The following RPS6KC1 variants were observed in gnomAD, a reference collection of about 807,000 sequenced individuals.
RPS6KC1 encodes the protein inactive ribosomal protein S6 kinase delta-1.
A neutral mutation model predicts 103.8 loss-of-function variants in RPS6KC1; 54 were observed. The ratio of observed to expected loss-of-function variants is 0.52; its 90% CI spans 0.42 to 0.65. The LOEUF (loss-of-function observed/expected upper bound fraction) is 0.65, where lower values mean the gene tolerates loss of function less well. Among genes scored for constraint, RPS6KC1 ranks in the 30% least tolerant of loss-of-function variants. The pLI is 0.00. For synonymous variants in RPS6KC1, 439 were observed against 438.7 expected, an observed-to-expected ratio of 1.00 and a Z score of -0.01; for missense variants, 1,151 against 1,253.8, an observed-to-expected ratio of 0.92 and a Z score of 1.24.
chr1:213,448,906 G>A, the RPS6KC1 span, among the ~76,000 whole-genome samples: 1 of 152,126 alleles, frequency 6.6e-6, no homozygotes, highest in African/African-American at 2.4e-5. Context: ...TGACCCCCAG[G>A]GTTCATTGCT....
At chr1:213,068,687 G>T (rs1572320047) in intron 1 of RPS6KC1, among the ~76,000 whole-genome samples, 1 of 151,766 alleles carries the variant, frequency 6.6e-6, no homozygotes, top group Admixed American at 6.6e-5. Context: ...GTCTAATTTG[G>T]TAGCCATTAA....
chr1:213,620,203 T>C, the RPS6KC1 span, among the ~76,000 whole-genome samples: 2 of 152,254 alleles, frequency 1.3e-5, no homozygotes, highest in Admixed American at 6.5e-5. Flanking sequence ...CACTTTATTA[T>C]ATTTCCCCGA....
At chr1:213,349,220 TA>T in the RPS6KC1 span, among the ~76,000 whole-genome samples, 9 of 152,228 alleles carry the variant, frequency 5.9e-5, no homozygotes, top group Admixed American at 2.0e-4. Context: ...TTTACCTTTA[TA>T]AAAACTACAC....
At chr1:213,355,038 T>C in the RPS6KC1 span, among the ~76,000 whole-genome samples, 1 of 152,028 alleles carries the variant, frequency 6.6e-6, no homozygotes, top group Non-Finnish European at 1.5e-5. Context: ...GCCAACATGG[T>C]GAAACCCTGC....
chr1:213,350,672 A>G, the RPS6KC1 span, among the ~76,000 whole-genome samples: 2 of 152,196 alleles, frequency 1.3e-5, no homozygotes, highest in Admixed American at 6.5e-5. Flanking sequence ...TCAGATTATA[A>G]AAGTAATACG....
At chr1:213,649,413 C>T in the RPS6KC1 span, among the ~76,000 whole-genome samples, 1 of 152,076 alleles carries the variant, frequency 6.6e-6, no homozygotes, top group Non-Finnish European at 1.5e-5. Context: ...CAGCCTCAGT[C>T]TCTCCTCCAC....
intron 6 of RPS6KC1, among the ~76,000 whole-genome samples, chr1:213,152,387 C>T (rs1247835520): frequency 6.7e-6 from 1 of 149,310 alleles, no homozygotes; most frequent in African/African-American, 2.4e-5. Flanking sequence ...GCTGACCCCC[C>T]CACCTCCCTC....
the RPS6KC1 span, among the ~76,000 whole-genome samples, chr1:213,388,911 C>A: frequency 6.6e-6 from 1 of 152,224 alleles, no homozygotes; most frequent in South Asian, 2.1e-4. Context: ...GCCTGACTAC[C>A]TGGGCAGTGA....
intron 8 of RPS6KC1, among the ~76,000 whole-genome samples, chr1:213,185,046 C>T (rs1269839552): frequency 2.0e-5 from 3 of 152,032 alleles, no homozygotes; most frequent in Non-Finnish European, 1.5e-5. Context: ...GTTGATTTGC[C>T]GCTGGATGAT....
the RPS6KC1 span, among the ~76,000 whole-genome samples, chr1:213,525,557 G>T: frequency 5.3e-5 from 8 of 152,272 alleles, no homozygotes; most frequent in Admixed American, 5.2e-4. Flanking sequence ...GACTGGAGTG[G>T]ATAAAGAGAA....
intron 6 of RPS6KC1, among the ~76,000 whole-genome samples, chr1:213,143,378 A>T: frequency 6.7e-6 from 1 of 150,220 alleles, no homozygotes; most frequent in Non-Finnish European, 1.5e-5. Context: ...TCATGTTAGC[A>T]TTTTATCAGT....
At chr1:213,644,536 C>A in the RPS6KC1 span, among the ~76,000 whole-genome samples, 2,307 of 151,934 alleles carry the variant, frequency 0.015, 51 homozygotes, top group African/African-American at 0.052. Flanking sequence ...ATCCCTCCCA[C>A]CCCCCATACC....
chr1:213,852,077 G>C, the RPS6KC1 span, among the ~76,000 whole-genome samples: 1 of 151,954 alleles, frequency 6.6e-6, no homozygotes, highest in East Asian at 1.9e-4. Context: ...TAAAACACTT[G>C]TCTGCCCTGA....
At chr1:213,571,675 T>C in the RPS6KC1 span, among the ~76,000 whole-genome samples, 1 of 152,208 alleles carries the variant, frequency 6.6e-6, no homozygotes, top group Non-Finnish European at 1.5e-5. Flanking sequence ...TCTGCCGGAC[T>C]CCAAAGCTGA....
At chr1:213,302,760 G>C in the RPS6KC1 span, among the ~76,000 whole-genome samples, 1 of 152,224 alleles carries the variant, frequency 6.6e-6, no homozygotes, top group African/African-American at 2.4e-5. Context: ...TCAGATCAAG[G>C]CTGGGAGAAA....
chr1:213,098,626 C>T (rs1052212457), intron 3 of RPS6KC1, among the ~76,000 whole-genome samples: 1 of 152,086 alleles, frequency 6.6e-6, no homozygotes, highest in Admixed American at 6.5e-5. Flanking sequence ...ACACTCAACA[C>T]CTATTAACTA....
the RPS6KC1 span, among the ~76,000 whole-genome samples, chr1:213,302,740 C>CA: frequency 6.6e-6 from 1 of 152,178 alleles, no homozygotes; most frequent in Non-Finnish European, 1.5e-5. Flanking sequence ...TCCTTACAGA[C>CA]ATGTGTCACT....
chr1:213,537,067 G>A, the RPS6KC1 span, among the ~76,000 whole-genome samples: 1 of 152,280 alleles, frequency 6.6e-6, no homozygotes, highest in African/African-American at 2.4e-5. Context: ...TGCTTGCAAA[G>A]AGCATGCAAT....
At chr1:213,151,716 C>T (rs1402364550) in intron 6 of RPS6KC1, among the ~76,000 whole-genome samples, 5 of 122,376 alleles carry the variant, frequency 4.1e-5, no homozygotes, top group East Asian at 5.2e-4. Flanking sequence ...GGCGGCTGGC[C>T]GGGCGGGGGG....
Sources: gnomAD v4.1 joint callset for allele counts (sites outside exome capture counted in the v4.1 genomes callset) on GRCh38, gnomAD v4.1.1 for gene constraint, MANE v1.5 for transcripts, NCBI Gene and HGNC (gene_info 2026-07-23, HGNC 2026-07-21) for gene names.